The following ZNF790 variants were observed in gnomAD, a reference collection of about 807,000 sequenced individuals.
ZNF790 encodes zinc finger protein 790.
Under a neutral mutation model 12.1 loss-of-function variants are expected in ZNF790, and 8 were observed. The observed-to-expected ratio is 0.66, with a 90% CI of 0.39 to 1.19. The LOEUF (loss-of-function observed/expected upper bound fraction) is 1.19, where lower values mean the gene tolerates loss of function less well. Among genes scored for constraint, ZNF790 ranks in the 50% most tolerant of loss-of-function variants. The probability of loss-of-function intolerance (pLI) is 0.01; values close to 1 mark genes in which losing one functional copy is unlikely to be tolerated. For synonymous variants in ZNF790, 252 were observed against 244.3 expected (o/e 1.03, Z -0.29); for missense variants, 707 against 752.2 (o/e 0.94, Z 0.70).
At chr19:36,850,529 A>C (rs2072237568), upstream of ZNF790, 1 of 152,288 alleles carries the variant, frequency 6.6e-6, no homozygotes, top group South Asian at 2.1e-4. Flanking sequence ...AAGTATCAAG[A>C]GTGGGGGGAT....
chr19:36,826,596 A>C (rs2071806109), intron 1 of ZNF790, among the ~76,000 whole-genome samples: 1 of 124,864 alleles, frequency 8.0e-6, no homozygotes, highest in South Asian at 2.6e-4. Context: ...AAAAAAAATT[A>C]TATATAGATA....
chr19:36,835,291 A>C (rs1442677579), intron 1 of ZNF790, among the ~76,000 whole-genome samples: 1 of 152,206 alleles, frequency 6.6e-6, no homozygotes, highest in Non-Finnish European at 1.5e-5. Context: ...AAAAAAAATA[A>C]AATAAAATAA....
chr19:36,832,318 G>T (rs1043157746), intron 1 of ZNF790, among the ~76,000 whole-genome samples: 1 of 152,198 alleles, frequency 6.6e-6, no homozygotes, highest in African/African-American at 2.4e-5. Flanking sequence ...CCAGTATGTG[G>T]TATTCACAAC....
At chr19:36,831,971 T>G (rs1462904448) in intron 1 of ZNF790, among the ~76,000 whole-genome samples, 2 of 152,324 alleles carry the variant, frequency 1.3e-5, no homozygotes, top group East Asian at 3.9e-4. Context: ...TCATCAGACT[T>G]CTGCAGTGCT....
chr19:36,836,200 G>A (rs1022404848), intron 1 of ZNF790, among the ~76,000 whole-genome samples: 1 of 152,076 alleles, frequency 6.6e-6, no homozygotes, highest in African/African-American at 2.4e-5. Flanking sequence ...GGATATACTA[G>A]GCCCCTGCTT....
rs1266905586 is a variant in ZNF790, at chr19:36,819,283, G to A, written c.1061C>T (p.Thr354Ile). Reference sequence around the variant, plus strand: ...ACCAGTATGAATTCTCTGATGCTGAGTTAGGTGTGATCCACGAGTAAAAGC... The same window carrying A: ...ACCAGTATGAATTCTCTGATGCTGAATTAGGTGTGATCCACGAGTAAAAGC... ...GKAFTRGSHL[T>I]QHQRIHTGEK... Residue 354 changes from threonine to isoleucine, a missense_variant, in exon 5 of 5, where the codon ACT becomes ATT. Thr to Ile is a moderately conservative substitution (Grantham distance 89, BLOSUM62 -1). Transcript: ENST00000356725. 1 of 1,611,932 alleles carries A rather than the reference G, an allele frequency of 6.2e-7. No homozygotes were observed. The highest frequency in any genetic ancestry group is 8.5e-7 in the Non-Finnish European group (1 of 1,178,790).
intron 1 of ZNF790, among the ~76,000 whole-genome samples, chr19:36,836,707 G>A (rs779357036): frequency 2.7e-4 from 41 of 152,250 alleles, no homozygotes; most frequent in East Asian, 7.7e-4. Flanking sequence ...GCAGTGAGCC[G>A]TGATTGCACC....
Position 36,820,227 on chromosome 19 carries a change from A to T in ZNF790, c.230-113T>A, listed in dbSNP as rs756328730. The T allele has an allele frequency of 5.6e-5, 65 of 1,160,836 alleles. 1 individual carries two copies. The highest frequency in any genetic ancestry group is 7.1e-5 in the Non-Finnish European group (61 of 855,772). The allele number at this position is 1,160,836 out of a possible 1,614,324, so 71.9% of individuals were successfully genotyped here. The stretch of plus-strand genomic sequence containing the variant: ...AAAGCATATGAGAAGTGAATGGCTT[A>T]GAAAATTCTCAAATATGAGCAATAT... On this transcript the variant is annotated intron_variant, in intron 4 of 4. Transcript: ENST00000356725.
At chr19:36,845,047 C>CAAAAAAAAAAA (rs10611049) in intron 1 of ZNF790, among the ~76,000 whole-genome samples, 1 of 34,918 alleles carries the variant, frequency 2.9e-5, no homozygotes, top group African/African-American at 9.5e-5. Context: ...GACTCCGTCT[C>CAAAAAAAAAAA]AAAAAAAAAA....
chr19:36,829,172 A>G (rs1393997673), intron 1 of ZNF790, among the ~76,000 whole-genome samples: 1 of 152,210 alleles, frequency 6.6e-6, no homozygotes, highest in Non-Finnish European at 1.5e-5. Context: ...ACAGTGAACA[A>G]TTCAATGGTT....
At chr19:36,842,390 A>G (rs914229844), upstream of ZNF790, among the ~76,000 whole-genome samples, 1 of 152,200 alleles carries the variant, frequency 6.6e-6, no homozygotes, top group African/African-American at 2.4e-5. Flanking sequence ...TAAATCACTA[A>G]TTTCCACCAT....
upstream of ZNF790, among the ~76,000 whole-genome samples, chr19:36,841,319 T>G (rs544773310): frequency 6.6e-6 from 1 of 152,068 alleles, no homozygotes; most frequent in Non-Finnish European, 1.5e-5. Context: ...GACAGAAAGA[T>G]AGATTAATGG....
chr19:36,834,928 C>T (rs544609272), intron 1 of ZNF790, among the ~76,000 whole-genome samples: 2 of 152,268 alleles, frequency 1.3e-5, no homozygotes, highest in African/African-American at 4.8e-5. Context: ...AAACATATAA[C>T]AATCATTAAT....
At chr19:36,844,534 C>T (rs904839872) in intron 1 of ZNF790, among the ~76,000 whole-genome samples, 18 of 151,934 alleles carry the variant, frequency 1.2e-4, no homozygotes, top group African/African-American at 4.3e-4. Flanking sequence ...AAAGTAGAGA[C>T]AGCGTGGAGA....
upstream of ZNF790, among the ~76,000 whole-genome samples, chr19:36,840,786 G>C (rs1282005232): frequency 6.6e-6 from 1 of 152,120 alleles, no homozygotes; most frequent in African/African-American, 2.4e-5. Flanking sequence ...AAGATGTATG[G>C]TTTTCAGCAA....
chr19:36,823,992 C>CTTTTTTTTTTTTT (rs779735213), intron 2 of ZNF790, among the ~76,000 whole-genome samples: 2 of 104,380 alleles, frequency 1.9e-5, no homozygotes, highest in African/African-American at 8.5e-5. Context: ...TCTACATGCT[C>CTTTTTTTTTTTTT]TTTTTTTTTT....
Position 36,818,456 on chromosome 19 carries a change from A to G in ZNF790, c.1888T>C (p.Ser630Pro). 1.3e-6 allele frequency: 2 copies of G among 1,560,908 alleles called. No individual in the cohort carries two copies. Among genetic ancestry groups the G allele is most frequent in the South Asian group, 1.2e-5 (1 of 84,484 alleles). ...TTTCACAAGAGTGAAATGAAGTGAG[A>G]GCTTGAAGAAAATGCTTTCTCAAAA... ...KDFEKAFSSS[S>P]HFISLL Residue 630 changes from serine to proline, a missense_variant, in exon 5 of 5, where the codon TCT (serine) becomes CCT (proline). Coordinates refer to ENST00000356725, the MANE Select transcript of ZNF790 (RefSeq NM_206894.4).
intron 4 of ZNF790, among the ~76,000 whole-genome samples, chr19:36,821,932 A>G (rs1362299830): frequency 6.6e-6 from 1 of 152,134 alleles, no homozygotes; most frequent in African/African-American, 2.4e-5. Flanking sequence ...GTACTTCATA[A>G]GCCCTAACCT....
intron 1 of ZNF790, among the ~76,000 whole-genome samples, chr19:36,835,115 G>A (rs1298046195): frequency 6.6e-6 from 1 of 151,872 alleles, no homozygotes; most frequent in Non-Finnish European, 1.5e-5. Flanking sequence ...GTGAAACCAC[G>A]TGTCTACTAA....
Sources: gnomAD v4.1 joint callset for allele counts (sites outside exome capture counted in the v4.1 genomes callset) on GRCh38, gnomAD v4.1.1 for gene constraint, MANE v1.5 for transcripts, NCBI Gene and HGNC (gene_info 2026-07-23, HGNC 2026-07-21) for gene names.